Variants in MARK1 observed in about 807,000 individuals in gnomAD.
MARK1 encodes serine/threonine-protein kinase MARK1.
MARK1 carries 40 observed loss-of-function variants against 96.3 expected under a neutral mutation model. The observed-to-expected ratio is 0.42, with a 90% CI of 0.32 to 0.54. The LOEUF (loss-of-function observed/expected upper bound fraction) is 0.54. MARK1 is among the 20% of genes least tolerant of loss of function. The pLI, the probability that MARK1 is intolerant of heterozygous loss-of-function variation, is 0.16. For synonymous variants in MARK1, 317 were observed against 341.2 expected, an observed-to-expected ratio of 0.93 and a Z score of 0.78; for missense variants, 719 against 984.6, an observed-to-expected ratio of 0.73 and a Z score of 3.61.
In MARK1 at chr1:220,616,031, T is replaced by A. The variant is rs776733736; in HGVS notation, c.552+36T>A. 2.8e-6 allele frequency: 3 copies of A among 1,066,442 alleles called. No individual in the cohort carries two copies. The East Asian group carries it at 7.4e-5, about 26-fold the overall frequency. 66.1% of individuals were successfully genotyped at this position (1,066,442 alleles called of 1,614,324 possible). Reference sequence around the variant, plus strand: ...GAGTGTAATTTTTTTAAAAAAAAAATCGTTATTATTAACATATATTTAATA... The same window carrying A: ...GAGTGTAATTTTTTTAAAAAAAAAAACGTTATTATTAACATATATTTAATA... On this transcript the variant is annotated intron_variant, in intron 7 of 17. Transcript: ENST00000366917.
intron 1 of MARK1, among the ~76,000 whole-genome samples, chr1:220,576,175 C>G: frequency 6.6e-6 from 1 of 150,824 alleles, no homozygotes. Flanking sequence ...ACAAATCATC[C>G]CAACCTAAGT....
chr1:220,599,198 ATAT>A (rs1665578466), intron 4 of MARK1, among the ~76,000 whole-genome samples: 1 of 152,198 alleles, frequency 6.6e-6, no homozygotes, highest in Non-Finnish European at 1.5e-5. Context: ...TTGATTAGAT[ATAT>A]TATTATATGA....
At chr1:220,640,548 C>A (rs1166153277) in intron 13 of MARK1, among the ~76,000 whole-genome samples, 1 of 152,192 alleles carries the variant, frequency 6.6e-6, no homozygotes, top group Non-Finnish European at 1.5e-5. Flanking sequence ...CCACAACCAT[C>A]ACAGACTAGA....
chr1:220,536,497 T>TTATC (rs1018354555), intron 1 of MARK1, among the ~76,000 whole-genome samples: 2 of 152,124 alleles, frequency 1.3e-5, no homozygotes, highest in African/African-American at 4.8e-5. Context: ...GTTTCTAACC[T>TTATC]TATCATTTGC....
At chr1:220,539,710 G>C (rs1255619713) in intron 1 of MARK1, among the ~76,000 whole-genome samples, 1 of 151,260 alleles carries the variant, frequency 6.6e-6, no homozygotes, top group Non-Finnish European at 1.5e-5. Flanking sequence ...CGTATCCTAG[G>C]GATAATTGCC....
At chr1:220,632,584 T>G (rs1289722757) in intron 11 of MARK1, among the ~76,000 whole-genome samples, 1 of 152,194 alleles carries the variant, frequency 6.6e-6, no homozygotes, top group Non-Finnish European at 1.5e-5. Context: ...ACACAGCTTG[T>G]GCATCCAAAT....
chr1:220,566,686 G>C (rs560102041), intron 1 of MARK1, among the ~76,000 whole-genome samples: 178 of 152,232 alleles, frequency 1.2e-3, no homozygotes, highest in African/African-American at 4.2e-3. Context: ...TCCATACATA[G>C]TAGATATTTA....
intron 13 of MARK1, among the ~76,000 whole-genome samples, chr1:220,642,950 G>A (rs1668364549): frequency 6.6e-6 from 1 of 152,058 alleles, no homozygotes; most frequent in Non-Finnish European, 1.5e-5. Flanking sequence ...CCCATCCAAA[G>A]GTCAACAGCC....
At position 220,662,728 on chromosome 1, in the gene MARK1, C is replaced by T. The variant is rs1261736517; in HGVS notation, c.*562C>T. 6.5e-6 allele frequency: 1 copy of T among 152,906 alleles called. No homozygotes were observed. The highest frequency in any genetic ancestry group is 2.4e-5 in the African/African-American group (1 of 41,454). The allele number at this position is 152,906 out of a possible 1,614,324, so 9.5% of individuals were successfully genotyped here. On this transcript the variant is annotated 3_prime_UTR_variant, in exon 18 of 18. Coordinates refer to ENST00000366917, the MANE Select transcript of MARK1 (RefSeq NM_018650.5). ...TATACACAAAATTATTACTGCTTAT[C>T]TTTGCTCTTTTCCTTGTTATCCCGC...
At chr1:220,560,371 G>C (rs1662584338) in intron 1 of MARK1, among the ~76,000 whole-genome samples, 1 of 152,162 alleles carries the variant, frequency 6.6e-6, no homozygotes, top group Non-Finnish European at 1.5e-5. Context: ...TTCATGGTTA[G>C]ATTTGTTCTT....
chr1:220,594,341 A>G (rs1020730552), intron 3 of MARK1, among the ~76,000 whole-genome samples: 14 of 152,218 alleles, frequency 9.2e-5, no homozygotes, highest in East Asian at 3.9e-4. Flanking sequence ...CTACATACCT[A>G]TTAGAATAGC....
At chr1:220,648,157 A>T (rs1213220914) in intron 13 of MARK1, among the ~76,000 whole-genome samples, 1 of 152,154 alleles carries the variant, frequency 6.6e-6, no homozygotes, top group Non-Finnish European at 1.5e-5. Flanking sequence ...TATAGTAAGT[A>T]TAAAATACTG....
At chr1:220,539,984 T>C (rs1188888879) in intron 1 of MARK1, among the ~76,000 whole-genome samples, 3 of 152,160 alleles carry the variant, frequency 2.0e-5, no homozygotes, top group Non-Finnish European at 2.9e-5. Context: ...TATAATTCAC[T>C]AGTGAAGCCA....
chr1:220,619,619 GGTTA>G (rs1666946079), intron 9 of MARK1, among the ~76,000 whole-genome samples: 2 of 152,102 alleles, frequency 1.3e-5, no homozygotes, highest in South Asian at 4.2e-4. Flanking sequence ...CTGTATGTGA[GGTTA>G]TTTATAATAA....
chr1:220,580,555 C>T (rs1327173726), intron 2 of MARK1, among the ~76,000 whole-genome samples: 1 of 152,046 alleles, frequency 6.6e-6, no homozygotes, highest in Non-Finnish European at 1.5e-5. Context: ...TGTCGTTTCC[C>T]ATTGAATTTG....
chr1:220,628,801 A>G (rs1667498623), intron 9 of MARK1, among the ~76,000 whole-genome samples: 1 of 151,982 alleles, frequency 6.6e-6, no homozygotes, highest in African/African-American at 2.4e-5. Flanking sequence ...AAAATGTATC[A>G]TGTGGCTGGG....
chr1:220,565,392 C>G lies in MARK1; in HGVS notation c.52-13962C>G, dbSNP rs537157383. Among the ~76,000 whole-genome samples the G allele has an allele frequency of 2.6e-5, 4 of 152,242 alleles. No homozygotes were observed. The South Asian group carries it at 8.3e-4, about 32-fold the overall frequency. On this transcript the variant is annotated intron_variant, in intron 1 of 17. Coordinates refer to ENST00000366917, the MANE Select transcript of MARK1 (RefSeq NM_018650.5). The stretch of plus-strand genomic sequence containing the variant: ...TATGGTAATATCCAGAGAATACTAC[C>G]TTGACTCTTGGTTTTGTAAAGTGGC...
intron 1 of MARK1, among the ~76,000 whole-genome samples, chr1:220,533,375 T>A (rs971009668): frequency 1.3e-5 from 2 of 152,158 alleles, no homozygotes; most frequent in Non-Finnish European, 2.9e-5. Context: ...TACGTCTTTT[T>A]TTTTTATAAA....
At chr1:220,633,248 C>A (rs1175050900) in intron 11 of MARK1, among the ~76,000 whole-genome samples, 10 of 152,076 alleles carry the variant, frequency 6.6e-5, no homozygotes, top group African/African-American at 2.4e-4. Flanking sequence ...TTGGAGGGGA[C>A]AGAGCATCCA....
Sources: gnomAD v4.1 joint callset for allele counts (sites outside exome capture counted in the v4.1 genomes callset) on GRCh38, gnomAD v4.1.1 for gene constraint, MANE v1.5 for transcripts, NCBI Gene and HGNC (gene_info 2026-07-23, HGNC 2026-07-21) for gene names.